Variants in DNAI7 observed in about 807,000 individuals in gnomAD.
DNAI7 encodes the protein dynein axonemal intermediate chain 7.
DNAI7 carries 78 observed loss-of-function variants against 86.6 expected under a neutral mutation model. The ratio of observed to expected loss-of-function variants is 0.90; its 90% CI spans 0.75 to 1.09. The LOEUF (loss-of-function observed/expected upper bound fraction) is 1.09, where lower values mean the gene tolerates loss of function less well. Ranked by LOEUF, DNAI7 falls within the 50% of genes least tolerant of loss-of-function variation. The pLI is 0.00. For missense variants in DNAI7, 753 were observed against 810.2 expected, an observed-to-expected ratio of 0.93 and a Z score of 0.86; for synonymous variants, 274 against 273.0, an observed-to-expected ratio of 1.00 and a Z score of -0.04.
intron 2 of DNAI7, among the ~76,000 whole-genome samples, chr12:25,169,238 A>G (rs1947853265): frequency 6.6e-6 from 1 of 152,084 alleles, no homozygotes; most frequent in South Asian, 2.1e-4. Flanking sequence ...TTCCTGCCTT[A>G]ACTGATGACA....
intron 3 of DNAI7, among the ~76,000 whole-genome samples, chr12:25,160,537 T>C (rs150457034): frequency 5.2e-4 from 79 of 152,208 alleles, no homozygotes; most frequent in African/African-American, 1.9e-3. Flanking sequence ...ACCCCGTCAT[T>C]CTCTTTAAAT....
rs770015859 is a variant in DNAI7 at position 25,114,791 on chromosome 12, G to C, written c.1476C>G (p.Thr492=). The C allele has an allele frequency of 6.2e-7, 1 of 1,614,064 alleles. No homozygotes were observed. Among genetic ancestry groups the C allele is most frequent in the Non-Finnish European group, 8.5e-7 (1 of 1,179,960 alleles). ...CTTGAATCAAGGTAACAGGGCCAAA[G>C]GTGTCCAGGCTGAATGTTACAAGTC... ...KERLVTFSLD[T]FGPVTLIQDA... Residue 492 remains threonine (T), a synonymous_variant, in exon 13 of 16, where the codon ACC becomes ACG. Transcript: ENST00000395987.
At chr12:25,110,095 A>T (rs1949684831) in intron 15 of DNAI7, 32 bp downstream of exon 15, 1 of 1,048,702 alleles carries the variant, frequency 9.5e-7, no homozygotes, top group Non-Finnish European at 1.5e-6. Context: ...TTTGGAGGAC[A>T]AAGTAGTTTT....
intron 2 of DNAI7, among the ~76,000 whole-genome samples, chr12:25,170,006 G>A (rs1024501766): frequency 3.3e-5 from 5 of 152,114 alleles, no homozygotes; most frequent in South Asian, 2.1e-4. Context: ...TACCAAAAGC[G>A]AGCAGGGGTA....
At chr12:25,153,637 C>T (rs1490861767) in intron 6 of DNAI7, among the ~76,000 whole-genome samples, 1 of 152,138 alleles carries the variant, frequency 6.6e-6, no homozygotes, top group African/African-American at 2.4e-5. Flanking sequence ...CTCCTGATGG[C>T]CCTTTGAACC....
chr12:25,145,272 G>C (rs1944683643), intron 8 of DNAI7, among the ~76,000 whole-genome samples: 1 of 152,060 alleles, frequency 6.6e-6, no homozygotes, highest in East Asian at 1.9e-4. Flanking sequence ...ATTTCTCTCA[G>C]TGCCTTCAGC....
chr12:25,128,817 T>G (rs909112665), intron 9 of DNAI7, among the ~76,000 whole-genome samples: 3 of 152,240 alleles, frequency 2.0e-5, no homozygotes, highest in Non-Finnish European at 2.9e-5. Flanking sequence ...AACTAGACAC[T>G]GTGCTTTTAT....
intron 9 of DNAI7, among the ~76,000 whole-genome samples, chr12:25,134,352 CTTTTTT>C (rs5797119): frequency 1.1e-5 from 1 of 91,178 alleles, no homozygotes; most frequent in African/African-American, 4.2e-5. Flanking sequence ...CCTTGGCGTA[CTTTTTT>C]TTTTTTTTTT....
intron 2 of DNAI7, among the ~76,000 whole-genome samples, chr12:25,181,942 A>G (rs1949538106): frequency 6.6e-6 from 1 of 152,222 alleles, no homozygotes; most frequent in Admixed American, 6.5e-5. Context: ...CCCCTATTGA[A>G]AACAATATGA....
chr12:25,127,692 G>A (rs2140542575), intron 9 of DNAI7, among the ~76,000 whole-genome samples: 1 of 152,256 alleles, frequency 6.6e-6, no homozygotes, highest in South Asian at 2.1e-4. Flanking sequence ...TGGGACACTA[G>A]CAAATAATTT....
chr12:25,152,955 A>C (rs2140947574), intron 6 of DNAI7, among the ~76,000 whole-genome samples: 1 of 152,112 alleles, frequency 6.6e-6, no homozygotes, highest in African/African-American at 2.4e-5. Flanking sequence ...ATTCTGGAAA[A>C]TTTTCAGCCA....
chr12:25,110,246 A>G lies in DNAI7; in HGVS notation c.1780-6T>C. The G allele has an allele frequency of 6.6e-7, 1 of 1,511,126 alleles. No individual in the cohort carries two copies. Among genetic ancestry groups the G allele is most frequent in the East Asian group, 2.3e-5 (1 of 44,420 alleles). 93.6% of individuals were successfully genotyped at this position (1,511,126 alleles called of 1,614,324 possible). A position where few individuals can be genotyped will look rare whatever the true frequency, so the allele number is the denominator to read the frequency against. On this transcript the variant is annotated splice_polypyrimidine_tract_variant and splice_region_variant and intron_variant, in intron 14 of 15. Coordinates refer to ENST00000395987, the MANE Select transcript of DNAI7 (RefSeq NM_018272.5). ...TTCACTTCTACCAAAGGAACCTGTC[A>G]ATATAAAAACAAATAGAATTGATCT...
At chr12:25,154,285 T>C (rs759204136) in intron 6 of DNAI7, 34 bp downstream of exon 6, 1 of 1,545,906 alleles carries the variant, frequency 6.5e-7, no homozygotes, top group East Asian at 2.3e-5. Flanking sequence ...CTATTTGTAA[T>C]AGCCAGTTTA....
chr12:25,144,708 T>TGA (rs1429937747), intron 8 of DNAI7, 31 bp from the exon 9 acceptor site: 3 of 1,536,634 alleles, frequency 2.0e-6, no homozygotes, highest in Non-Finnish European at 2.7e-6. Context: ...CAAAAAAAGA[T>TGA]GAGACCCTAG....
At chr12:25,149,592 ATAAAACT>A in intron 7 of DNAI7, 29 bp downstream of exon 7, 3 of 1,458,726 alleles carry the variant, frequency 2.1e-6, no homozygotes, top group Non-Finnish European at 2.8e-6. Context: ...GTTAGCTCTT[ATAAAACT>A]TAATATATAA....
chr12:25,148,954 G>A (rs7966255), intron 7 of DNAI7, among the ~76,000 whole-genome samples: 121,850 of 152,118 alleles, frequency 0.8, 49,142 homozygotes, highest in East Asian at 0.99. Flanking sequence ...TTCCATTTCA[G>A]ATATAACATT....
intron 9 of DNAI7, among the ~76,000 whole-genome samples, chr12:25,138,978 G>C (rs1943884106): frequency 6.6e-6 from 1 of 151,396 alleles, no homozygotes; most frequent in African/African-American, 2.4e-5. Flanking sequence ...ACCAAGAAAA[G>C]AAGAGAGAAG....
intron 6 of DNAI7, among the ~76,000 whole-genome samples, chr12:25,153,824 G>C (rs1007714924): frequency 1.3e-5 from 2 of 151,796 alleles, no homozygotes; most frequent in Non-Finnish European, 2.9e-5. Flanking sequence ...TTTTCCCCCA[G>C]TATTTTTAAG....
At chr12:25,173,128 T>C (rs1229673713) in intron 2 of DNAI7, among the ~76,000 whole-genome samples, 1 of 152,082 alleles carries the variant, frequency 6.6e-6, no homozygotes, top group Non-Finnish European at 1.5e-5. Flanking sequence ...ACCTTTTGCA[T>C]GGCAAAAGAA....
Sources: allele counts gnomAD v4.1 joint callset (sites outside exome capture counted in the v4.1 genomes callset), GRCh38; gene constraint gnomAD v4.1.1; transcripts MANE v1.5; gene names NCBI Gene and HGNC (gene_info 2026-07-23, HGNC 2026-07-21).